The following GSPT1 variants were observed in gnomAD, a reference collection of about 807,000 sequenced individuals.
The protein encoded by GSPT1 is eukaryotic peptide chain release factor GTP-binding subunit ERF3A.
A neutral mutation model predicts 72.5 loss-of-function variants in GSPT1; 20 were observed. The ratio of observed to expected loss-of-function variants is 0.28; its 90% CI spans 0.19 to 0.40. The LOEUF is 0.40. Among genes scored for constraint, GSPT1 ranks in the 10% least tolerant of loss-of-function variants. The probability of loss-of-function intolerance (pLI) is 1.00; values close to 1 mark genes in which losing one functional copy is unlikely to be tolerated. For synonymous variants in GSPT1, 334 were observed against 293.5 expected, an observed-to-expected ratio of 1.14 and a Z score of -1.41; for missense variants, 580 against 811.9, an observed-to-expected ratio of 0.71 and a Z score of 3.47.
chr16:11,902,540 G>A (rs2054425054), intron 1 of GSPT1, among the ~76,000 whole-genome samples: 1 of 151,538 alleles, frequency 6.6e-6, no homozygotes, highest in Non-Finnish European at 1.5e-5. Context: ...CCAGAGAACA[G>A]CAGAACACCA....
chr16:11,894,809 C>G (rs893261636), intron 5 of GSPT1, 145 bp downstream of exon 5: 5 of 569,642 alleles, frequency 8.8e-6, no homozygotes, highest in African/African-American at 5.7e-5. Context: ...TTCTTAACAT[C>G]AGTATTGTGT....
In GSPT1 at chr16:11,870,205, TTTTGG is replaced by T. The variant is rs1294748766; in HGVS notation, c.*2909_*2913del. 6.6e-6 allele frequency: 1 copy of T among 152,224 alleles called. No homozygotes were observed. Among genetic ancestry groups the T allele is most frequent in the East Asian group, 1.9e-4 (1 of 5,202 alleles). 9.4% of individuals were successfully genotyped at this position (152,224 alleles called of 1,614,324 possible). On this transcript the variant is annotated 3_prime_UTR_variant, in exon 15 of 15. Transcript: ENST00000434724. ...AGACAATACACACTCAGTCCAACTCTTTTGGTTTGATTTTACATAGATTTTCACTT... is the reference window on the plus strand; with the variant it reads ...AGACAATACACACTCAGTCCAACTCTTTTGATTTTACATAGATTTTCACTT...
intron 6 of GSPT1, among the ~76,000 whole-genome samples, chr16:11,888,406 G>A (rs1156313526): frequency 6.6e-6 from 1 of 151,514 alleles, no homozygotes; most frequent in African/African-American, 2.4e-5. Flanking sequence ...AGGTTGCAGT[G>A]AGCCAAGATC....
intron 10 of GSPT1, among the ~76,000 whole-genome samples, chr16:11,884,458 T>G (rs1002158010): frequency 3.3e-5 from 5 of 152,226 alleles, no homozygotes; most frequent in Non-Finnish European, 7.3e-5. Flanking sequence ...ATCAATGTTA[T>G]GTTGTTAATA....
rs896462799 is a variant in GSPT1, at chr16:11,870,888, C to T, written c.*2231G>A. 2 of 152,154 alleles carry T rather than the reference C, an allele frequency of 1.3e-5. No homozygotes were observed. Among genetic ancestry groups the T allele is most frequent in the Admixed American group, 1.3e-4 (2 of 15,268 alleles). 9.4% of individuals were successfully genotyped at this position (152,154 alleles called of 1,614,324 possible). A position where few individuals can be genotyped will look rare whatever the true frequency, so the allele number is the denominator to read the frequency against. On this transcript the variant is annotated 3_prime_UTR_variant, in exon 15 of 15. Transcript: ENST00000434724. The stretch of plus-strand genomic sequence containing the variant: ...TATCCAAGTTACTTAAGAGTCTTGG[C>T]AACATGCACATAATAGTCTAACAGT...
upstream of GSPT1, chr16:11,916,156 G>A (rs1246516009): frequency 2.8e-6 from 1 of 357,032 alleles, no homozygotes; most frequent in South Asian, 1.9e-5. Flanking sequence ...GGTTTTCCCG[G>A]GGGCCGACGG....
intron 14 of GSPT1, 49 bp from the exon 15 acceptor site, chr16:11,873,220 A>T (rs1338778823): frequency 1.1e-6 from 1 of 870,320 alleles, no homozygotes; most frequent in African/African-American, 1.7e-5. Flanking sequence ...CAGCAAGTCT[A>T]TATAAGATAT....
intron 5 of GSPT1, among the ~76,000 whole-genome samples, chr16:11,893,795 C>T (rs1005862084): frequency 6.6e-6 from 1 of 151,844 alleles, no homozygotes; most frequent in Admixed American, 6.6e-5. Flanking sequence ...GGGAAGGACC[C>T]CTGTTTAACA....
At chr16:11,887,835 T>A in intron 6 of GSPT1, 85 bp from the exon 7 acceptor site, 1 of 892,130 alleles carries the variant, frequency 1.1e-6, no homozygotes, top group Non-Finnish European at 1.8e-6. Context: ...ATATAATGGA[T>A]GACACACAAC....
At chr16:11,910,521 C>T (rs982982772) in intron 1 of GSPT1, among the ~76,000 whole-genome samples, 2 of 152,158 alleles carry the variant, frequency 1.3e-5, no homozygotes, top group Admixed American at 6.5e-5. Context: ...CAGAAATTCG[C>T]ATTTCTGGAA....
intron 11 of GSPT1, among the ~76,000 whole-genome samples, chr16:11,878,853 T>C (rs1042541320): frequency 6.6e-6 from 1 of 151,456 alleles, no homozygotes; most frequent in Non-Finnish European, 1.5e-5. Flanking sequence ...TCACCTGAGA[T>C]CAGGAGTTTG....
chr16:11,874,956 C>T (rs561264149), intron 14 of GSPT1, among the ~76,000 whole-genome samples: 1 of 152,302 alleles, frequency 6.6e-6, no homozygotes, highest in South Asian at 2.1e-4. Flanking sequence ...CTTTGGGAGG[C>T]CAAGGCGGGC....
At position 11,877,360 on chromosome 16, in the gene GSPT1, C is replaced by T; in HGVS notation, c.1602+47G>A. 1 of 1,300,554 alleles carries T rather than the reference C, an allele frequency of 7.7e-7. No homozygotes were observed. Among genetic ancestry groups the T allele is most frequent in the Non-Finnish European group, 1.1e-6 (1 of 942,084 alleles). 80.6% of individuals were successfully genotyped at this position (1,300,554 alleles called of 1,614,324 possible). On this transcript the variant is annotated intron_variant, in intron 12 of 14. Coordinates refer to ENST00000434724, the MANE Select transcript of GSPT1 (RefSeq NM_002094.4). This position sits in a 1 kb window ranked among gnomAD's most constrained non-coding sequence, Gnocchi z 4.0. ...ACAAAAGGCACTGATATTCTAATTT[C>T]ATTTAGACATTAAAACCCACTATGA...
At chr16:11,901,837 T>G (rs2054410820) in intron 1 of GSPT1, among the ~76,000 whole-genome samples, 1 of 151,506 alleles carries the variant, frequency 6.6e-6, no homozygotes, top group African/African-American at 2.4e-5. Flanking sequence ...GGCTCACATC[T>G]GTAATCCCAG....
At chr16:11,888,724 T>C (rs1367156958) in intron 6 of GSPT1, among the ~76,000 whole-genome samples, 2 of 152,036 alleles carry the variant, frequency 1.3e-5, no homozygotes, top group African/African-American at 4.8e-5. Flanking sequence ...ATCGCGCCAC[T>C]GCACTCCAGC....
chr16:11,896,163 G>T (rs2054335967), intron 4 of GSPT1, among the ~76,000 whole-genome samples: 2 of 152,052 alleles, frequency 1.3e-5, no homozygotes, highest in Admixed American at 1.3e-4. Flanking sequence ...CCAAATTATT[G>T]ATTTCCTGCT....
chr16:11,899,127 G>A (rs546549636), intron 1 of GSPT1, among the ~76,000 whole-genome samples: 2 of 152,150 alleles, frequency 1.3e-5, no homozygotes, highest in South Asian at 2.1e-4. Flanking sequence ...GACAGAAAAC[G>A]ATACTAAAGA....
rs573140762 is a variant in GSPT1 at position 11,896,689 on chromosome 16, C to T, written c.533G>A (p.Gly178Glu). 1.3e-4 allele frequency: 213 copies of T among 1,608,090 alleles called. 4 individuals are homozygous for T. In the South Asian group the frequency reaches 2.3e-3, roughly 18 times the overall value. Reference protein sequence around the residue: ...AEPGGGSLGDGRPPEESAHEM... With the variant: ...AEPGGGSLGDERPPEESAHEM... ...ATGGGCACTTTCCTCTGGCGGCCTT[C>T]CATCTCCCAAGGAACCACCCCCTGG... Residue 178 changes from glycine (G) to glutamate (E), a missense_variant, in exon 4 of 15, where the codon GGA becomes GAA. Gly to Glu is a moderately conservative substitution (Grantham distance 98). This residue lies in a region of GSPT1 where 327 missense variants were observed against 298.8 expected (regional missense o/e 1.09). Transcript: ENST00000434724.
intron 14 of GSPT1, among the ~76,000 whole-genome samples, chr16:11,874,492 A>C (rs2054015995): frequency 7.2e-6 from 1 of 138,140 alleles, no homozygotes; most frequent in African/African-American, 2.7e-5. Flanking sequence ...TTTAAAGCCA[A>C]GTTAGCTTTT....
Sources: allele counts gnomAD v4.1 joint callset (sites outside exome capture counted in the v4.1 genomes callset), GRCh38; gene constraint gnomAD v4.1.1; regional missense constraint gnomAD v4.1.1; non-coding constraint Gnocchi (gnomAD v3.1); transcripts MANE v1.5; gene names NCBI Gene and HGNC (gene_info 2026-07-23, HGNC 2026-07-21).